Variants in PIGK observed in about 807,000 individuals in gnomAD.
The protein encoded by PIGK is GPI-anchor transamidase.
In PIGK, 42 loss-of-function variants were observed where a neutral mutation model predicts 50.6. The observed-to-expected ratio is 0.83, with a 90% CI of 0.65 to 1.07. PIGK has a LOEUF of 1.07. PIGK is among the 50% of genes least tolerant of loss of function. The pLI, the probability that PIGK is intolerant of heterozygous loss-of-function variation, is 0.00. For synonymous variants in PIGK, 151 were observed against 156.0 expected (o/e 0.97, Z 0.24); for missense variants, 448 against 488.7 (o/e 0.92, Z 0.78).
chr1:77,184,156 G>A (rs1462531599), intron 3 of PIGK, among the ~76,000 whole-genome samples: 1 of 152,156 alleles, frequency 6.6e-6, no homozygotes, highest in Non-Finnish European at 1.5e-5. Context: ...AGGCAAAGTG[G>A]CAATCAGAAT....
At chr1:77,171,820 C>A (rs921471591) in intron 3 of PIGK, among the ~76,000 whole-genome samples, 1 of 152,164 alleles carries the variant, frequency 6.6e-6, no homozygotes, top group South Asian at 2.1e-4. Context: ...AAAAATAATT[C>A]TCATTTGATC....
At chr1:77,188,907 C>T (rs977119396) in intron 3 of PIGK, among the ~76,000 whole-genome samples, 1 of 152,112 alleles carries the variant, frequency 6.6e-6, no homozygotes, top group Non-Finnish European at 1.5e-5. Flanking sequence ...TTGCTGAAGG[C>T]AAAAGGAATA....
chr1:77,093,452 A>G (rs1653341588), intron 10 of PIGK, among the ~76,000 whole-genome samples: 1 of 152,152 alleles, frequency 6.6e-6, no homozygotes, highest in Non-Finnish European at 1.5e-5. Context: ...TATTAGAATC[A>G]CATTTTAGAC....
chr1:77,184,511 C>T (rs899101397), intron 3 of PIGK, among the ~76,000 whole-genome samples: 8 of 152,104 alleles, frequency 5.3e-5, no homozygotes, highest in Non-Finnish European at 1.0e-4. Context: ...CTGTGCACTG[C>T]GGAAAGGGAA....
intron 10 of PIGK, among the ~76,000 whole-genome samples, chr1:77,093,651 G>A (rs1418008343): frequency 6.6e-6 from 1 of 152,060 alleles, no homozygotes; most frequent in African/African-American, 2.4e-5. Context: ...AACGTTTAAA[G>A]TGGTTACATT....
intron 10 of PIGK, 36 bp downstream of exon 10, chr1:77,122,238 TC>T: frequency 7.7e-7 from 1 of 1,307,162 alleles, no homozygotes; most frequent in South Asian, 1.2e-5. Context: ...CGATTAAAAA[TC>T]TTGTTTCTTT....
intron 9 of PIGK, among the ~76,000 whole-genome samples, chr1:77,140,575 T>C (rs1654627298): frequency 6.6e-6 from 1 of 151,952 alleles, no homozygotes; most frequent in Non-Finnish European, 1.5e-5. Context: ...TAAAAGTGGG[T>C]TTTTTCATAT....
chr1:77,145,437 A>C (rs1284600126), intron 9 of PIGK, among the ~76,000 whole-genome samples: 1 of 152,110 alleles, frequency 6.6e-6, no homozygotes, highest in African/African-American at 2.4e-5. Flanking sequence ...GCATTTGAGC[A>C]ACAAACAAAT....
intron 3 of PIGK, among the ~76,000 whole-genome samples, chr1:77,173,833 A>T (rs766900215): frequency 1.3e-4 from 20 of 152,222 alleles, no homozygotes; most frequent in Non-Finnish European, 2.6e-4. Context: ...CAAACAAAAA[A>T]ACTGCCTGAG....
chr1:77,183,789 G>A (rs185396787), intron 3 of PIGK, among the ~76,000 whole-genome samples: 264 of 152,252 alleles, frequency 1.7e-3, no homozygotes, highest in Non-Finnish European at 2.3e-3. Context: ...ACTGTGAGAG[G>A]TGGAAATGCC....
At chr1:77,152,245 T>C (rs1161368939) in intron 9 of PIGK, among the ~76,000 whole-genome samples, 1 of 151,988 alleles carries the variant, frequency 6.6e-6, no homozygotes, top group African/African-American at 2.4e-5. Context: ...AGAATATACA[T>C]TGGGAAAGGA....
intron 3 of PIGK, among the ~76,000 whole-genome samples, chr1:77,198,988 C>T (rs137901121): frequency 2.6e-5 from 4 of 152,142 alleles, no homozygotes; most frequent in Admixed American, 2.6e-4. Flanking sequence ...GTAGTAAAGA[C>T]ATTGTGGTAT....
At chr1:77,116,715 G>A (rs1195257176) in intron 10 of PIGK, among the ~76,000 whole-genome samples, 1 of 151,944 alleles carries the variant, frequency 6.6e-6, no homozygotes, top group African/African-American at 2.4e-5. Context: ...CTCCTGGGAT[G>A]TTTAAGTTCA....
chr1:77,125,110 C>A (rs1006421369), intron 9 of PIGK, among the ~76,000 whole-genome samples: 1 of 152,144 alleles, frequency 6.6e-6, no homozygotes, highest in Admixed American at 6.5e-5. Context: ...AGATGAAATA[C>A]ATTTTTTTCT....
rs771529705 is a variant in PIGK, at chr1:77,219,406, T to C, written c.-4A>G. ...TGAGGCTGTCGGTGACGGCCATGTT[T>C]ACCGGCTTCAGACTTCCCGCACCTG... On this transcript the variant is annotated 5_prime_UTR_variant, in exon 1 of 11. Coordinates refer to ENST00000370812, the MANE Select transcript of PIGK (RefSeq NM_005482.3). 5.6e-6 allele frequency: 9 copies of C among 1,612,772 alleles called. No individual in the cohort carries two copies. The Middle Eastern group carries it at 5.0e-4, about 89-fold the overall frequency.
intron 3 of PIGK, among the ~76,000 whole-genome samples, chr1:77,180,955 C>T (rs935006970): frequency 6.6e-6 from 1 of 152,064 alleles, no homozygotes; most frequent in African/African-American, 2.4e-5. Context: ...AGCATAATTT[C>T]TTTCTTCTTT....
chr1:77,205,702 C>G (rs1376071754), intron 3 of PIGK, among the ~76,000 whole-genome samples: 2 of 152,116 alleles, frequency 1.3e-5, no homozygotes, highest in Non-Finnish European at 2.9e-5. Flanking sequence ...CACACTGACT[C>G]ACTGGTACTA....
chr1:77,152,785 C>T (rs7524874), intron 9 of PIGK, among the ~76,000 whole-genome samples: 26,823 of 152,018 alleles, frequency 0.18, 2,562 homozygotes, highest in East Asian at 0.36. Context: ...CTCAAAATCA[C>T]TAATCATCAA....
intron 6 of PIGK, 94 bp from the exon 7 acceptor site, chr1:77,161,805 T>C: frequency 5.8e-6 from 4 of 693,958 alleles, no homozygotes; most frequent in East Asian, 2.5e-5. Flanking sequence ...TTAAATCATA[T>C]CTTAGTCATT....
Sources: gnomAD v4.1 joint callset for allele counts (sites outside exome capture counted in the v4.1 genomes callset) on GRCh38, gnomAD v4.1.1 for gene constraint, MANE v1.5 for transcripts, NCBI Gene and HGNC (gene_info 2026-07-23, HGNC 2026-07-21) for gene names.